Variants in MARVELD3 observed in about 807,000 individuals in gnomAD.
MARVELD3 encodes the protein MARVEL domain containing 3.
MARVELD3 carries 28 observed loss-of-function variants against 33.5 expected under a neutral mutation model. That is an observed-to-expected ratio of 0.84 (90% CI 0.62 to 1.15). The LOEUF is 1.15. MARVELD3 is among the 50% of genes most tolerant of loss of function. The probability of loss-of-function intolerance (pLI) is 0.00; values close to 1 mark genes in which losing one functional copy is unlikely to be tolerated. For synonymous variants in MARVELD3, 241 were observed against 230.4 expected (o/e 1.05, Z -0.42); for missense variants, 582 against 547.6 (o/e 1.06, Z -0.63).
rs1409249776 is a variant in MARVELD3, at chr16:71,635,315, C to T, written c.*512C>T. 2.1e-4 allele frequency: 210 copies of T among 976,802 alleles called. No homozygotes were observed. Among genetic ancestry groups the T allele is most frequent in the Non-Finnish European group, 2.5e-4 (203 of 826,112 alleles). 60.5% of individuals were successfully genotyped at this position (976,802 alleles called of 1,614,324 possible). Reference sequence around the variant, plus strand: ...CTGCACTCCAGCCCAGGTGACAGAGCGAGACTCCATCTCAAAAAAAAAAAA... The same window carrying T: ...CTGCACTCCAGCCCAGGTGACAGAGTGAGACTCCATCTCAAAAAAAAAAAA... On this transcript the variant is annotated 3_prime_UTR_variant, in exon 3 of 3. Transcript: ENST00000268485.
Position 71,626,273 on chromosome 16 carries a change from G to A in MARVELD3, c.44G>A (p.Arg15Lys), listed in dbSNP as rs1208049312. The part of the protein sequence containing the change: ...SGAREPRARP[R>K]ERDPGRRPHP... ...GCTCGCGAGCCCCGGGCCCGGCCGAGAGAGCGGGACCCGGGACGGCGCCCC... is the reference window on the plus strand; with the variant it reads ...GCTCGCGAGCCCCGGGCCCGGCCGAAAGAGCGGGACCCGGGACGGCGCCCC... Residue 15 changes from arginine (R) to lysine (K), a missense_variant, in exon 1 of 3, where the codon AGA becomes AAA. Transcript: ENST00000268485. The surrounding 1 kb of genome is among the most constrained non-coding windows in gnomAD (Gnocchi z 5.3). The A allele has an allele frequency of 3.3e-5, 50 of 1,536,008 alleles. No individual in the cohort carries two copies. The highest frequency in any genetic ancestry group is 1.1e-4 in the African/African-American group (8 of 72,276).
rs1193017705 is a variant in MARVELD3, at chr16:71,635,840, G to A, written c.*1037G>A. On this transcript the variant is annotated 3_prime_UTR_variant, in exon 3 of 3. Transcript: ENST00000268485. ...AGGTAGGCGTGGGCTGAGGAAAGAG[G>A]AATCAGATTAATTCTCTGGGTTGCA... 2.1e-5 allele frequency: 21 copies of A among 985,364 alleles called. No homozygotes were observed. The highest frequency in any genetic ancestry group is 4.7e-5 in the South Asian group (1 of 21,286). The allele number at this position is 985,364 out of a possible 1,614,324, so 61.0% of individuals were successfully genotyped here. A position where few individuals can be genotyped will look rare whatever the true frequency, so the allele number is the denominator to read the frequency against.
rs1012595463 is a variant in MARVELD3, at chr16:71,629,428, T to C, written c.529T>C (p.Tyr177His). Residue 177 changes from tyrosine (Y) to histidine (H), a missense_variant, in exon 2 of 3, where the codon TAT becomes CAT. By Grantham distance (83) the Tyr-to-His change is moderately conservative. Coordinates refer to ENST00000268485, the MANE Select transcript of MARVELD3 (RefSeq NM_052858.6). ...TPRPGREEVE[Y>H]YQSEAEGLLE... ...CAGGCCTGGACGAGAGGAGGTGGAA[T>C]ATTACCAGTCAGAGGCGGAAGGACT... 4.4e-6 allele frequency: 7 copies of C among 1,583,646 alleles called. No homozygotes were observed. Among genetic ancestry groups the C allele is most frequent in the Non-Finnish European group, 6.0e-6 (7 of 1,167,722 alleles).
Position 71,626,184 on chromosome 16 carries a change from G to C in MARVELD3, c.-46G>C, listed in dbSNP as rs1266508641. On this transcript the variant is annotated 5_prime_UTR_variant, in exon 1 of 3. Transcript: ENST00000268485. The surrounding 1 kb of genome is among the most constrained non-coding windows in gnomAD (Gnocchi z 5.3). Reference sequence around the variant, plus strand: ...GGCCACCTGCCCAAGAAACTTGTTGGTTGTTGCCCTCAGGTCGCTCCCGGG... The same window carrying C: ...GGCCACCTGCCCAAGAAACTTGTTGCTTGTTGCCCTCAGGTCGCTCCCGGG... 4.2e-6 allele frequency: 6 copies of C among 1,428,184 alleles called. No individual in the cohort carries two copies. Among genetic ancestry groups the C allele is most frequent in the Non-Finnish European group, 5.5e-6 (6 of 1,089,396 alleles). 88.5% of individuals were successfully genotyped at this position (1,428,184 alleles called of 1,614,324 possible).
At chr16:71,641,093 C>T (rs771673411), downstream of MARVELD3, 16 of 1,519,090 alleles carry the variant, frequency 1.1e-5, no homozygotes, top group East Asian at 2.3e-5. Flanking sequence ...TTTAAAACTC[C>T]GCATTAGACA....
In MARVELD3 at chr16:71,635,810, G is replaced by A; in HGVS notation, c.*1007G>A. ...GGGAAACTACTCCTGTAAAATTGAA[G>A]TTGGAGGTAGGCGTGGGCTGAGGAA... On this transcript the variant is annotated 3_prime_UTR_variant, in exon 3 of 3. Coordinates refer to ENST00000268485, the MANE Select transcript of MARVELD3 (RefSeq NM_052858.6). 1 of 985,418 alleles carries A rather than the reference G, an allele frequency of 1.0e-6. No homozygotes were observed. Among genetic ancestry groups the A allele is most frequent in the Non-Finnish European group, 1.2e-6 (1 of 829,950 alleles). The allele number at this position is 985,418 out of a possible 1,614,324, so 61.0% of individuals were successfully genotyped here. A position where few individuals can be genotyped will look rare whatever the true frequency, so the allele number is the denominator to read the frequency against.
rs2044565718 is a variant in MARVELD3 at position 71,634,603 on chromosome 16, G to C, written c.1006G>C (p.Val336Leu). The C allele has an allele frequency of 1.2e-6, 2 of 1,614,196 alleles. No homozygotes were observed. Among genetic ancestry groups the C allele is most frequent in the Middle Eastern group, 3.3e-4 (2 of 6,062 alleles). The change falls in exon 3 of 3, where the codon GTG becomes CTG. Residue 336 changes from valine (V) to leucine (L), a missense_variant. Val to Leu is a conservative substitution (Grantham distance 32). Coordinates refer to ENST00000268485, the MANE Select transcript of MARVELD3 (RefSeq NM_052858.6). Reference sequence around the variant, plus strand: ...CCTCTCTGCTGCCTATGGCTCTCCTGTGTGTAAAGAGAGGCAGGCGCTGTA... The same window carrying C: ...CCTCTCTGCTGCCTATGGCTCTCCTCTGTGTAAAGAGAGGCAGGCGCTGTA... ...HYLSAAYGSPVCKERQALYQS... is the reference protein window; with the variant it reads ...HYLSAAYGSPLCKERQALYQS...
downstream of MARVELD3, chr16:71,641,073 AGAC>A: frequency 6.4e-7 from 1 of 1,558,582 alleles, no homozygotes; most frequent in Non-Finnish European, 8.7e-7. Context: ...TCTCTCAAAA[AGAC>A]AGGTCTTTTA....
Position 71,626,330 on chromosome 16 carries a change from C to T in MARVELD3, c.101C>T (p.Pro34Leu), listed in dbSNP as rs1597072224. ...HPDQGRTHDR[P>L]RDRPGDPRRK... ...GACCAAGGCCGCACCCACGATCGAC[C>T]GCGGGACCGACCCGGGGACCCGCGC... The change falls in exon 1 of 3, where the codon CCG becomes CTG. Residue 34 changes from proline (P) to leucine (L), a missense_variant. Pro to Leu is a moderately conservative substitution (Grantham distance 98). Transcript: ENST00000268485. The surrounding 1 kb of genome is among the most constrained non-coding windows in gnomAD (Gnocchi z 5.3). 1 of 1,548,266 alleles carries T rather than the reference C, an allele frequency of 6.5e-7. No homozygotes were observed. The highest frequency in any genetic ancestry group is 2.0e-5 in the Admixed American group (1 of 51,014).
chr16:71,629,427 A>C lies in MARVELD3; in HGVS notation c.528A>C (p.Glu176Asp). The part of the protein sequence containing the change: ...STPRPGREEV[E>D]YYQSEAEGLL... ...CCAGGCCTGGACGAGAGGAGGTGGA[A>C]TATTACCAGTCAGAGGCGGAAGGAC... Residue 176 changes from glutamate to aspartate, a missense_variant, in exon 2 of 3, where the codon GAA (glutamate) becomes GAC (aspartate). Transcript: ENST00000268485. 3 of 1,584,332 alleles carry C rather than the reference A, an allele frequency of 1.9e-6. No individual in the cohort carries two copies. The highest frequency in any genetic ancestry group is 2.6e-6 in the Non-Finnish European group (3 of 1,168,004).
At chr16:71,629,048 G>C (rs189422581) in intron 1 of MARVELD3, 9 of 274,122 alleles carry the variant, frequency 3.3e-5, no homozygotes, top group Non-Finnish European at 1.3e-5. Flanking sequence ...TTTTGAAGAG[G>C]CCTGGTGCAT....
Position 71,629,454 on chromosome 16 carries a change from C to T in MARVELD3, c.555C>T (p.Leu185=). The T allele has an allele frequency of 6.3e-7, 1 of 1,577,386 alleles. No individual in the cohort carries two copies. Among genetic ancestry groups the T allele is most frequent in the South Asian group, 1.2e-5 (1 of 84,094 alleles). The change falls in exon 2 of 3, where the codon CTC becomes CTT. Residue 185 remains leucine, a synonymous_variant. Coordinates refer to ENST00000268485, the MANE Select transcript of MARVELD3 (RefSeq NM_052858.6). ...ATTACCAGTCAGAGGCGGAAGGACT[C>T]CTGGAATGCCACAAATGCAAATACT... The part of the protein sequence containing the change: ...VEYYQSEAEG[L]LECHKCKYLC...
intron 1 of MARVELD3, among the ~76,000 whole-genome samples, chr16:71,628,316 T>C (rs756343094): frequency 2.6e-5 from 4 of 152,010 alleles, no homozygotes; most frequent in South Asian, 2.1e-4. Context: ...GGGCAGATCA[T>C]TGGAGGTAAG....
downstream of MARVELD3, among the ~76,000 whole-genome samples, chr16:71,636,921 A>C (rs768984673): frequency 2.6e-5 from 4 of 152,222 alleles, no homozygotes; most frequent in East Asian, 1.9e-4. Context: ...CAAAGATCTC[A>C]TGTCGTTTCA....
chr16:71,641,268 CAT>C (rs768805760), downstream of MARVELD3: 2 of 484,040 alleles, frequency 4.1e-6, no homozygotes, highest in Non-Finnish European at 7.3e-6. Context: ...GCCTGGCTCA[CAT>C]AGCGAAACCC....
In MARVELD3 at chr16:71,634,674, A is replaced by G; in HGVS notation, c.1077A>G (p.Ala359=). The G allele has an allele frequency of 6.2e-7, 1 of 1,614,198 alleles. No individual in the cohort carries two copies. The highest frequency in any genetic ancestry group is 8.5e-7 in the Non-Finnish European group (1 of 1,180,030). The change falls in exon 3 of 3, where the codon GCA becomes GCG. Residue 359 remains alanine, a synonymous_variant. Transcript: ENST00000268485. ...GTTTCGGCTGCAGTTTCCACGGAGC[A>G]GATATAGGAGCTGGAATCTTTGCTG... ...YSGFGCSFHG[A]DIGAGIFAAL... is the part of the protein sequence containing the mutation.
At position 71,634,627 on chromosome 16, in the gene MARVELD3, TACCAA is replaced by T. The variant is rs746133184; in HGVS notation, c.1032_1036del (p.Tyr344Ter). 9.9e-6 allele frequency: 16 copies of T among 1,614,064 alleles called. No individual in the cohort carries two copies. The highest frequency in any genetic ancestry group is 1.4e-5 in the Non-Finnish European group (16 of 1,180,052). ...TGTGTGTAAAGAGAGGCAGGCGCTG[TACCAA>T]AGCAAAGGCTACAGCGGTTTCGGCT... On this transcript the variant is annotated frameshift_variant, in exon 3 of 3. Coordinates refer to ENST00000268485, the MANE Select transcript of MARVELD3 (RefSeq NM_052858.6). LOFTEE classifies it high-confidence loss of function.
At position 71,626,579 on chromosome 16, in the gene MARVELD3, A is replaced by T. The variant is rs1254341219; in HGVS notation, c.350A>T (p.Asp117Val). Residue 117 changes from aspartate (D) to valine (V), a missense_variant, in exon 1 of 3, where the codon GAC becomes GTC. By Grantham distance (152) the Asp-to-Val change is radical (BLOSUM62 -3). Transcript: ENST00000268485. The surrounding 1 kb of genome is among the most constrained non-coding windows in gnomAD (Gnocchi z 5.3). ...WEKPRQSRTR[D>V]GARGLTWDAA... The stretch of plus-strand genomic sequence containing the variant: ...AAACCGCGCCAAAGCCGGACGCGGG[A>T]CGGAGCCCGGGGACTGACCTGGGAC... 1 of 1,546,138 alleles carries T rather than the reference A, an allele frequency of 6.5e-7. No individual in the cohort carries two copies. The highest frequency in any genetic ancestry group is 8.7e-7 in the Non-Finnish European group (1 of 1,146,702).
chr16:71,635,302 C>T lies in MARVELD3; in HGVS notation c.*499C>T. The T allele has an allele frequency of 7.1e-6, 7 of 979,856 alleles. No individual in the cohort carries two copies. Among genetic ancestry groups the T allele is most frequent in the Non-Finnish European group, 8.5e-6 (7 of 825,662 alleles). The allele number at this position is 979,856 out of a possible 1,614,324, so 60.7% of individuals were successfully genotyped here. A position where few individuals can be genotyped will look rare whatever the true frequency, so the allele number is the denominator to read the frequency against. ...CGAGATCCCGCCACTGCACTCCAGC[C>T]CAGGTGACAGAGCGAGACTCCATCT... On this transcript the variant is annotated 3_prime_UTR_variant, in exon 3 of 3. Transcript: ENST00000268485.
Sources: allele counts gnomAD v4.1 joint callset (sites outside exome capture counted in the v4.1 genomes callset), GRCh38; gene constraint gnomAD v4.1.1; non-coding constraint Gnocchi (gnomAD v3.1); transcripts MANE v1.5; gene names NCBI Gene and HGNC (gene_info 2026-07-23, HGNC 2026-07-21).